CALN1: variants seen among roughly 807,000 people sequenced by gnomAD.
CALN1 encodes calcium-binding protein 8.
Under a neutral mutation model 30.6 loss-of-function variants are expected in CALN1, and 17 were observed. The ratio of observed to expected loss-of-function variants is 0.56; its 90% confidence interval spans 0.38 to 0.83. The LOEUF (loss-of-function observed/expected upper bound fraction) is 0.83, where lower values mean the gene tolerates loss of function less well. Among genes scored for constraint, CALN1 ranks in the 40% least tolerant of loss-of-function variants. The pLI, the probability that CALN1 is intolerant of heterozygous loss-of-function variation, is 0.00. For missense variants in CALN1, 291 were observed against 354.9 expected (o/e 0.82, Z 1.45); for synonymous variants, 156 against 131.4 (o/e 1.19, Z -1.28).
intron 5 of CALN1, among the ~76,000 whole-genome samples, chr7:71,978,321 G>T (rs542749515): frequency 3.6e-5 from 5 of 139,820 alleles, no homozygotes; most frequent in Non-Finnish European, 6.0e-5. Context: ...ACCCAGGCTG[G>T]AGGGCAATGG....
At chr7:72,076,996 T>TGC (rs1443937827) in intron 4 of CALN1, among the ~76,000 whole-genome samples, 1 of 152,134 alleles carries the variant, frequency 6.6e-6, no homozygotes, top group Non-Finnish European at 1.5e-5. Flanking sequence ...CCTCTTTCTC[T>TGC]GCCTCTTGCT....
At chr7:72,202,638 A>G (rs1295970519) in intron 3 of CALN1, among the ~76,000 whole-genome samples, 2 of 152,340 alleles carry the variant, frequency 1.3e-5, no homozygotes, top group Non-Finnish European at 2.9e-5. Context: ...GAAGGGTTAG[A>G]AACCCAAGGA....
At chr7:71,994,441 G>A (rs914393614) in intron 5 of CALN1, among the ~76,000 whole-genome samples, 2 of 150,754 alleles carry the variant, frequency 1.3e-5, no homozygotes, top group African/African-American at 4.9e-5. Context: ...GAACCTGGGA[G>A]GCAGAGGTTG....
chr7:72,331,638 ATATC>A (rs1801685243), intron 2 of CALN1, among the ~76,000 whole-genome samples: 1 of 152,108 alleles, frequency 6.6e-6, no homozygotes, highest in African/African-American at 2.4e-5. Context: ...TAGTCACAGA[ATATC>A]TATTTATTTA....
At chr7:72,418,341 CCA>C (rs1481466251) in intron 1 of CALN1, among the ~76,000 whole-genome samples, 1 of 152,136 alleles carries the variant, frequency 6.6e-6, no homozygotes, top group Non-Finnish European at 1.5e-5. Flanking sequence ...TGTATATGGA[CCA>C]CATTTTCTTT....
chr7:72,200,460 T>C (rs1398527306), intron 3 of CALN1, among the ~76,000 whole-genome samples: 1 of 152,184 alleles, frequency 6.6e-6, no homozygotes, highest in Non-Finnish European at 1.5e-5. Context: ...ACCTTACAAA[T>C]AGTGTCTCGT....
At chr7:72,392,622 C>T (rs1805647976) in intron 2 of CALN1, among the ~76,000 whole-genome samples, 2 of 152,108 alleles carry the variant, frequency 1.3e-5, no homozygotes, top group Non-Finnish European at 2.9e-5. Flanking sequence ...AGGGCATGAA[C>T]TCTATTGACT....
chr7:72,035,238 C>A (rs1407494444), intron 4 of CALN1, among the ~76,000 whole-genome samples: 2 of 152,122 alleles, frequency 1.3e-5, no homozygotes, highest in African/African-American at 2.4e-5. Context: ...TTTCTTCTTG[C>A]AAAACTGAAA....
intron 3 of CALN1, among the ~76,000 whole-genome samples, chr7:72,244,522 A>G (rs1795040460): frequency 6.6e-6 from 1 of 152,094 alleles, no homozygotes; most frequent in Non-Finnish European, 1.5e-5. Context: ...TTGGGATATA[A>G]ATGAGGAATA....
At chr7:72,245,966 G>C (rs1024173884) in intron 3 of CALN1, among the ~76,000 whole-genome samples, 1 of 152,114 alleles carries the variant, frequency 6.6e-6, no homozygotes, top group East Asian at 1.9e-4. Flanking sequence ...CCACATTTTT[G>C]AATTGAAAAA....
At chr7:72,236,849 G>A (rs1444417168) in intron 3 of CALN1, among the ~76,000 whole-genome samples, 1 of 152,184 alleles carries the variant, frequency 6.6e-6, no homozygotes, top group African/African-American at 2.4e-5. Flanking sequence ...AATGTTCATG[G>A]TCTTTGGCCA....
At chr7:72,364,896 A>T (rs142048659) in intron 2 of CALN1, among the ~76,000 whole-genome samples, 2 of 151,592 alleles carry the variant, frequency 1.3e-5, no homozygotes, top group East Asian at 3.9e-4. Context: ...TTAGCCGGAC[A>T]TGGTGGCACA....
At chr7:71,962,271 C>T (rs1797287429) in intron 5 of CALN1, among the ~76,000 whole-genome samples, 1 of 151,598 alleles carries the variant, frequency 6.6e-6, no homozygotes, top group Non-Finnish European at 1.5e-5. Context: ...TGCCTGGTGG[C>T]ATGCACCTGT....
chr7:71,809,741 T>C (rs1026336315), intron 6 of CALN1, among the ~76,000 whole-genome samples: 1 of 152,096 alleles, frequency 6.6e-6, no homozygotes, highest in Non-Finnish European at 1.5e-5. Context: ...AAATAACCTT[T>C]CATGGGTCTC....
At chr7:72,469,258 A>G in the CALN1 span, among the ~76,000 whole-genome samples, 2 of 152,188 alleles carry the variant, frequency 1.3e-5, no homozygotes, top group African/African-American at 4.8e-5. Flanking sequence ...AATATGGGGT[A>G]GGTATACAAC....
At position 72,278,743 on chromosome 7, in the gene CALN1, G is replaced by C. The variant is rs1479199896; in HGVS notation, c.187C>G (p.Leu63Val). Reference protein sequence around the residue: ...LYKGNYLNRSLSAGSDSEQLA... With the variant: ...LYKGNYLNRSVSAGSDSEQLA... ...TGTTCGCTGTCACTGCCAGCAGAGAGCGATCGGTTGAGGTAATTCCCCTTG... is the reference window on the plus strand; with the variant it reads ...TGTTCGCTGTCACTGCCAGCAGAGACCGATCGGTTGAGGTAATTCCCCTTG... Residue 63 changes from leucine (L) to valine (V), a missense_variant, in exon 3 of 7, where the codon CTC (leucine) becomes GTC (valine). By Grantham distance (32) the Leu-to-Val change is conservative (BLOSUM62 1). Coordinates refer to ENST00000395275, the MANE Select transcript of CALN1 (RefSeq NM_031468.4). The C allele has an allele frequency of 6.2e-7, 1 of 1,614,018 alleles. No individual in the cohort carries two copies. Among genetic ancestry groups the C allele is most frequent in the Non-Finnish European group, 8.5e-7 (1 of 1,180,008 alleles).
At position 71,810,302 on chromosome 7, in the gene CALN1, G is replaced by A. The variant is rs773604118; in HGVS notation, c.658+34C>T. On this transcript the variant is annotated intron_variant, in intron 6 of 6. Coordinates refer to ENST00000395275, the MANE Select transcript of CALN1 (RefSeq NM_031468.4). ...AGAGTGTGGTGCATTGGCCTGTCCC[G>A]GACCGGGGAGGGGATGGCAGCAGGG... The A allele has an allele frequency of 1.8e-5, 29 of 1,607,082 alleles. No homozygotes were observed. In the East Asian group the frequency reaches 2.9e-4, roughly 16 times the overall value.
intron 3 of CALN1, among the ~76,000 whole-genome samples, chr7:72,236,369 A>AC (rs1794475932): frequency 6.6e-6 from 1 of 152,062 alleles, no homozygotes; most frequent in African/African-American, 2.4e-5. Context: ...CATCAAGCCC[A>AC]CCCGCCCTCC....
At chr7:71,886,632 G>A (rs985963842) in intron 5 of CALN1, among the ~76,000 whole-genome samples, 1 of 152,034 alleles carries the variant, frequency 6.6e-6, no homozygotes, top group African/African-American at 2.4e-5. Context: ...AATTAGCCAG[G>A]CTTGGTGGTG....
Sources: allele counts gnomAD v4.1 joint callset (sites outside exome capture counted in the v4.1 genomes callset), GRCh38; gene constraint gnomAD v4.1.1; transcripts MANE v1.5; gene names NCBI Gene and HGNC (gene_info 2026-07-23, HGNC 2026-07-21).